Variants in SLC28A3 observed in about 807,000 individuals in gnomAD.
SLC28A3 encodes the protein concentrative Na(+)-nucleoside cotransporter 3.
A neutral mutation model predicts 84.2 loss-of-function variants in SLC28A3; 68 were observed. The observed-to-expected ratio is 0.81, with a 90% confidence interval of 0.66 to 0.99. The LOEUF is 0.99. Among genes scored for constraint, SLC28A3 ranks in the 50% least tolerant of loss-of-function variants. SLC28A3 has a pLI of 0.00. For synonymous variants in SLC28A3, 267 were observed against 303.6 expected, an observed-to-expected ratio of 0.88 and a Z score of 1.25; for missense variants, 712 against 841.5, an observed-to-expected ratio of 0.85 and a Z score of 1.90.
intron 3 of SLC28A3, among the ~76,000 whole-genome samples, chr9:84,307,943 G>A (rs1038726785): frequency 6.6e-5 from 10 of 152,186 alleles, no homozygotes; most frequent in African/African-American, 2.4e-4. Flanking sequence ...GACCACCCAA[G>A]AGAATTTCTC....
At chr9:84,311,075 G>A (rs567636978) in intron 2 of SLC28A3, among the ~76,000 whole-genome samples, 12 of 152,234 alleles carry the variant, frequency 7.9e-5, no homozygotes, top group African/African-American at 2.6e-4. Flanking sequence ...GGCCGCTGGA[G>A]AGAGTTGTGT....
upstream of SLC28A3, among the ~76,000 whole-genome samples, chr9:84,342,921 T>C (rs1438439948): frequency 1.3e-5 from 2 of 152,066 alleles, no homozygotes; most frequent in Non-Finnish European, 2.9e-5. Context: ...CCCAGCACTT[T>C]GGGAGGCCGA....
Position 84,320,051 on chromosome 9 carries a change from T to TTTG in SLC28A3, c.61-6598_61-6597insCAA, listed in dbSNP as rs1554728754. Among the ~76,000 whole-genome samples the TTTG allele has an allele frequency of 9.2e-5, 12 of 130,552 alleles. 1 individual carries two copies. Among genetic ancestry groups the TTTG allele is most frequent in the South Asian group, 5.3e-4 (2 of 3,760 alleles). 85.6% of individuals were successfully genotyped at this position (130,552 alleles called of 152,430 possible). ...GCCTGGCTTGCACTGTTTTTTTTTT[T>TTTG]TTTTTTTTTTTTTTTTGAGACAGAT... is the stretch of plus-strand genomic sequence containing the variant. On this transcript the variant is annotated intron_variant, in intron 1 of 17. Coordinates refer to ENST00000376238, the MANE Select transcript of SLC28A3 (RefSeq NM_001199633.2).
intron 10 of SLC28A3, among the ~76,000 whole-genome samples, chr9:84,290,665 A>T (rs912115529): frequency 1.3e-5 from 2 of 152,026 alleles, no homozygotes; most frequent in African/African-American, 4.8e-5. Context: ...CTAGGACTGG[A>T]CTCTGTGATG....
intron 11 of SLC28A3, 123 bp from the exon 12 acceptor site, chr9:84,288,301 T>C (rs1191023838): frequency 2.8e-5 from 40 of 1,418,206 alleles, no homozygotes; most frequent in Admixed American, 8.7e-5. Flanking sequence ...CAGAAGACAA[T>C]GTTTCTTTGG....
chr9:84,355,915 G>A, the SLC28A3 span, among the ~76,000 whole-genome samples: 2 of 152,144 alleles, frequency 1.3e-5, no homozygotes, highest in African/African-American at 4.8e-5. Flanking sequence ...CCTGGTCTCA[G>A]GTGATCCTTC....
Position 84,282,975 on chromosome 9 carries a change from A to G in SLC28A3, c.1648-2093T>C, listed in dbSNP as rs546148025. The stretch of plus-strand genomic sequence containing the variant: ...AATATTTCAAGTAGGTATGCAGTCT[A>G]CCCTTCCTGGAAAAGCTGTCCTTGT... On this transcript the variant is annotated intron_variant, in intron 14 of 17. Transcript: ENST00000376238. 5.9e-5 allele frequency among the ~76,000 whole-genome samples: 9 copies of G among 152,266 alleles called. No individual in the cohort carries two copies. In the South Asian group the frequency reaches 1.0e-3, roughly 18 times the overall value.
chr9:84,352,792 C>T, the SLC28A3 span, among the ~76,000 whole-genome samples: 1 of 145,920 alleles, frequency 6.9e-6, no homozygotes, highest in Non-Finnish European at 1.5e-5. Flanking sequence ...ACCCTGGTGG[C>T]TTAGGTACAA....
intron 5 of SLC28A3, among the ~76,000 whole-genome samples, chr9:84,301,914 G>C (rs994069560): frequency 6.6e-6 from 1 of 152,124 alleles, no homozygotes; most frequent in Non-Finnish European, 1.5e-5. Context: ...ATAGCACATG[G>C]AACGTAATAT....
intron 10 of SLC28A3, among the ~76,000 whole-genome samples, chr9:84,291,275 T>G (rs1825209719): frequency 6.6e-6 from 1 of 152,172 alleles, no homozygotes; most frequent in South Asian, 2.1e-4. Context: ...TTTCAACTCC[T>G]AGGGAAGGAA....
the SLC28A3 span, among the ~76,000 whole-genome samples, chr9:84,353,639 G>A: frequency 6.6e-6 from 1 of 152,272 alleles, no homozygotes; most frequent in South Asian, 2.1e-4. Flanking sequence ...GAACTCGAGA[G>A]GTGGAGCTTG....
At chr9:84,295,838 G>A (rs745792885) in intron 8 of SLC28A3, among the ~76,000 whole-genome samples, 15 of 152,144 alleles carry the variant, frequency 9.9e-5, no homozygotes, top group Admixed American at 5.2e-4. Context: ...AATGACCGAG[G>A]ACAATTTGTA....
chr9:84,311,272 AT>A (rs1429749239), intron 2 of SLC28A3, among the ~76,000 whole-genome samples: 1 of 152,196 alleles, frequency 6.6e-6, no homozygotes, highest in African/African-American at 2.4e-5. Context: ...TATGAAAAAA[AT>A]ATTTTAAAAA....
the SLC28A3 span, among the ~76,000 whole-genome samples, chr9:84,363,567 C>G: frequency 6.6e-6 from 1 of 152,132 alleles, no homozygotes. Flanking sequence ...TGAATCCTGT[C>G]ACATCCATAT....
the SLC28A3 span, among the ~76,000 whole-genome samples, chr9:84,367,596 G>A: frequency 1.2e-4 from 18 of 152,262 alleles, no homozygotes; most frequent in Non-Finnish European, 2.2e-4. Flanking sequence ...CTGCACCGGC[G>A]CTGGTCTCTG....
At chr9:84,311,695 C>CA (rs35081916) in intron 2 of SLC28A3, among the ~76,000 whole-genome samples, 123 of 149,176 alleles carry the variant, frequency 8.2e-4, no homozygotes, top group East Asian at 5.9e-4. Flanking sequence ...ACTAAAAATA[C>CA]AAAAAAAAAA....
At chr9:84,338,228 A>G (rs1372019705) in intron 1 of SLC28A3, among the ~76,000 whole-genome samples, 1 of 152,276 alleles carries the variant, frequency 6.6e-6, no homozygotes, top group Non-Finnish European at 1.5e-5. Context: ...AAGGTGAATA[A>G]GTAAGCATCC....
In SLC28A3 at chr9:84,279,386, C is replaced by A; in HGVS notation, c.1829-1G>T. On this transcript the variant is annotated splice_acceptor_variant, in intron 16 of 17. Transcript: ENST00000376238. LOFTEE classifies it high-confidence loss of function. ...TCCACAGGAGTGCTGGAGAGTATGC[C>A]TAGAAGTGGAACAGAGTCCCATTTA... 1 of 1,544,510 alleles carries A rather than the reference C, an allele frequency of 6.5e-7. No individual in the cohort carries two copies. Among genetic ancestry groups the A allele is most frequent in the Non-Finnish European group, 8.7e-7 (1 of 1,147,222 alleles).
chr9:84,296,547 T>A lies in SLC28A3; in HGVS notation c.861+674A>T, dbSNP rs114813193. ...TGTTTCTGACTCATTGACAAGTGTT[T>A]GTAGGGACTTCCCAGAGGAGGATGG... On this transcript the variant is annotated intron_variant, in intron 8 of 17. Transcript: ENST00000376238. 9.7e-3 allele frequency among the ~76,000 whole-genome samples: 1,473 copies of A among 152,296 alleles called. 29 individuals are homozygous for A. The highest frequency in any genetic ancestry group is 0.034 in the African/African-American group (1,420 of 41,570).
Sources: gnomAD v4.1 joint callset for allele counts (sites outside exome capture counted in the v4.1 genomes callset) on GRCh38, gnomAD v4.1.1 for gene constraint, MANE v1.5 for transcripts, NCBI Gene and HGNC (gene_info 2026-07-23, HGNC 2026-07-21) for gene names.